CSN2: variants seen among roughly 807,000 people sequenced by gnomAD.
The protein encoded by CSN2 is beta-casein.
A neutral mutation model predicts 27.3 loss-of-function variants in CSN2; 27 were observed. The ratio of observed to expected loss-of-function variants is 0.99; its 90% CI spans 0.73 to 1.36. CSN2 has a LOEUF of 1.36. CSN2 is among the 40% of genes most tolerant of loss of function. The pLI, the probability that CSN2 is intolerant of heterozygous loss-of-function variation, is 0.00. For synonymous variants in CSN2, 131 were observed against 94.8 expected (o/e 1.38, Z -2.22); for missense variants, 333 against 264.5 (o/e 1.26, Z -1.80).
Position 69,960,052 on chromosome 4 carries a change from C to G in CSN2, c.78+1G>C. The G allele has an allele frequency of 6.2e-7, 1 of 1,611,320 alleles. No individual in the cohort carries two copies. Among genetic ancestry groups the G allele is most frequent in the East Asian group, 2.2e-5 (1 of 44,684 alleles). The stretch of plus-strand genomic sequence containing the variant: ...TAAAATTGGGTAGAATGTTAACTTA[C>G]CTCACTGCTTGAAAGGCTTTCTATG... On this transcript the variant is annotated splice_donor_variant, in intron 3 of 7. Transcript: ENST00000353151. LOFTEE classifies it high-confidence loss of function.
At chr4:69,961,908 C>G (rs561634126) in intron 1 of CSN2, among the ~76,000 whole-genome samples, 8 of 152,176 alleles carry the variant, frequency 5.3e-5, no homozygotes, top group African/African-American at 1.9e-4. Flanking sequence ...AATCAATGTG[C>G]AAAAATCACA....
At chr4:69,958,799 G>T in intron 5 of CSN2, 110 bp downstream of exon 5, 1 of 698,620 alleles carries the variant, frequency 1.4e-6, no homozygotes, top group South Asian at 2.5e-5. Flanking sequence ...GTGGGTATAT[G>T]GCATTTATTT....
At chr4:69,961,028 G>C (rs1723561905) in intron 1 of CSN2, 21 bp from the exon 2 acceptor site, 3 of 1,583,492 alleles carry the variant, frequency 1.9e-6, no homozygotes, top group Non-Finnish European at 8.7e-7. Flanking sequence ...AGAAAAAATG[G>C]AATGGTGGAA....
intron 1 of CSN2, among the ~76,000 whole-genome samples, 186 bp downstream of exon 1, chr4:69,965,495 A>ATTGCAATATTTT (rs371067824): frequency 7.1e-6 from 1 of 141,720 alleles, no homozygotes; most frequent in Admixed American, 7.2e-5. Context: ...GCTATATGTC[A>ATTGCAATATTTT]TTACCAAATT....
chr4:69,957,223 A>G (rs766376514), intron 6 of CSN2, 51 bp downstream of exon 6: 5 of 1,447,916 alleles, frequency 3.5e-6, no homozygotes, highest in South Asian at 1.4e-5. Flanking sequence ...TTATTCTACC[A>G]TCACATACAC....
At chr4:69,960,381 G>A (rs1250224257) in intron 2 of CSN2, among the ~76,000 whole-genome samples, 1 of 151,384 alleles carries the variant, frequency 6.6e-6, no homozygotes, top group Admixed American at 6.6e-5. Flanking sequence ...TTTATATTTA[G>A]TAATCTATTA....
chr4:69,956,233 G>C, intron 7 of CSN2, 81 bp downstream of exon 7: 1 of 994,132 alleles, frequency 1.0e-6, no homozygotes, highest in Non-Finnish European at 1.3e-6. Context: ...TCACTGTATT[G>C]GACTTCTCTA....
chr4:69,957,910 A>C, intron 5 of CSN2, 106 bp from the exon 6 acceptor site: 1 of 1,031,942 alleles, frequency 9.7e-7, no homozygotes, highest in Non-Finnish European at 1.4e-6. Context: ...GTAAAAAGAG[A>C]GGAGAAAATA....
At position 69,959,244 on chromosome 4, in the gene CSN2, T is replaced by C. The variant is rs886268016; in HGVS notation, c.79-175A>G. ...GCTTGTTATGTAAAAGAAAGTCAGA[T>C]GAATGCAGTCAAGAAGGACATGGTA... is the stretch of plus-strand genomic sequence containing the variant. On this transcript the variant is annotated intron_variant, in intron 3 of 7. Transcript: ENST00000353151. Among the ~76,000 whole-genome samples, 8 of 152,000 alleles carry C rather than the reference T, an allele frequency of 5.3e-5. No homozygotes were observed. The East Asian group carries it at 9.7e-4, about 18-fold the overall frequency.
rs750175387 is a variant in CSN2, at chr4:69,957,634, T to C, written c.315A>G (p.Lys105=). The stretch of plus-strand genomic sequence containing the variant: ...CTCTGCCCTTAGTGTAGACAGTGTC[T>C]TTAGCTTTAGGGACTTCCATTATTT... The part of the protein sequence containing the change: ...QPEIMEVPKA[K]DTVYTKGRVM... The change falls in exon 6 of 8, where the codon AAA becomes AAG. Residue 105 remains lysine, a synonymous_variant. Coordinates refer to ENST00000353151, the MANE Select transcript of CSN2 (RefSeq NM_001891.4). The C allele has an allele frequency of 1.9e-6, 3 of 1,613,838 alleles. No individual in the cohort carries two copies. Among genetic ancestry groups the C allele is most frequent in the African/African-American group, 2.7e-5 (2 of 74,892 alleles).
rs200065857 is a variant in CSN2, at chr4:69,957,585, T to C, written c.364A>G (p.Thr122Ala). Residue 122 changes from threonine (T) to alanine (A), a missense_variant, in exon 6 of 8, where the codon ACG becomes GCG. By Grantham distance (58) the Thr-to-Ala change is moderately conservative. Transcript: ENST00000353151. Reference protein sequence around the residue: ...GRVMPVLKSPTIPFFDPQIPK... With the variant: ...GRVMPVLKSPAIPFFDPQIPK... ...ATTTGAGGGTCAAAAAAGGGTATCG[T>C]TGGAGATTTAAGGACAGGCATCACT... 11 of 1,613,754 alleles carry C rather than the reference T, an allele frequency of 6.8e-6. No individual in the cohort carries two copies. Among genetic ancestry groups the C allele is most frequent in the South Asian group, 1.1e-5 (1 of 91,074 alleles).
intron 1 of CSN2, among the ~76,000 whole-genome samples, chr4:69,962,787 A>G (rs1470402999): frequency 4.6e-5 from 7 of 152,222 alleles, no homozygotes; most frequent in Non-Finnish European, 1.5e-5. Flanking sequence ...CTACCATCAG[A>G]GTGAACAGGC....
chr4:69,962,494 C>G (rs1003232975), intron 1 of CSN2, among the ~76,000 whole-genome samples: 1 of 152,152 alleles, frequency 6.6e-6, no homozygotes, highest in African/African-American at 2.4e-5. Context: ...AAAGGATTCC[C>G]TATTTAATAA....
chr4:69,957,609 C>T lies in CSN2; in HGVS notation c.340G>A (p.Val114Met), dbSNP rs775132407. The T allele has an allele frequency of 1.9e-6, 3 of 1,613,968 alleles. No homozygotes were observed. Among genetic ancestry groups the T allele is most frequent in the Non-Finnish European group, 2.5e-6 (3 of 1,179,976 alleles). Residue 114 changes from valine to methionine, a missense_variant, in exon 6 of 8, where the codon GTG becomes ATG. Coordinates refer to ENST00000353151, the MANE Select transcript of CSN2 (RefSeq NM_001891.4). ...AKDTVYTKGR[V>M]MPVLKSPTIP... ...GTTGGAGATTTAAGGACAGGCATCA[C>T]TCTGCCCTTAGTGTAGACAGTGTCT...
At chr4:69,960,156 T>TTTTCTCTAAAATTTA (rs964043838) in intron 2 of CSN2, 77 bp from the exon 3 acceptor site, 14 of 1,358,498 alleles carry the variant, frequency 1.0e-5, no homozygotes, top group African/African-American at 1.5e-5. Flanking sequence ...GGTTCATAAA[T>TTTTCTCTAAAATTTA]TTTCTCTAAA....
chr4:69,955,782 T>C (rs1723375868), intron 7 of CSN2, among the ~76,000 whole-genome samples, 190 bp from the exon 8 acceptor site: 1 of 152,056 alleles, frequency 6.6e-6, no homozygotes, highest in African/African-American at 2.4e-5. Flanking sequence ...TTAGTGAACT[T>C]GAAATTGTTT....
At chr4:69,959,701 TCAGTTTGTACCA>T (rs1248344873) in intron 3 of CSN2, among the ~76,000 whole-genome samples, 8 of 152,096 alleles carry the variant, frequency 5.3e-5, no homozygotes, top group African/African-American at 1.9e-4. Flanking sequence ...CTCTAACTTT[TCAGTTTGTACCA>T]CAGCTCCTAG....
chr4:69,956,125 T>C (rs1015499856), intron 7 of CSN2, among the ~76,000 whole-genome samples, 189 bp downstream of exon 7: 9 of 152,020 alleles, frequency 5.9e-5, no homozygotes, highest in Non-Finnish European at 1.2e-4. Context: ...AAATTAAAGT[T>C]ATTTGAAATG....
In CSN2 at chr4:69,961,971, CT is replaced by C. The variant is rs986136721; in HGVS notation, c.-12-965del. 3.3e-5 allele frequency among the ~76,000 whole-genome samples: 5 copies of C among 152,150 alleles called. 1 individual carries two copies. In the South Asian group the frequency reaches 6.2e-4, roughly 19 times the overall value. ...AACAGAGAGCCAAATCATGAGTGAA[CT>C]CCCATTCAAAATTGCTTCAAAGAGA... is the stretch of plus-strand genomic sequence containing the variant. On this transcript the variant is annotated intron_variant, in intron 1 of 7. Transcript: ENST00000353151.
Sources: allele counts gnomAD v4.1 joint callset (sites outside exome capture counted in the v4.1 genomes callset), GRCh38; gene constraint gnomAD v4.1.1; transcripts MANE v1.5; gene names NCBI Gene and HGNC (gene_info 2026-07-23, HGNC 2026-07-21).